KALRN: variants seen among roughly 807,000 people sequenced by gnomAD.
KALRN encodes the protein kalirin RhoGEF kinase.
A neutral mutation model predicts 353.7 loss-of-function variants in KALRN; 70 were observed. That is an observed-to-expected ratio of 0.20 (90% CI 0.16 to 0.24). The LOEUF is 0.24. Among genes scored for constraint, KALRN ranks in the 10% least tolerant of loss-of-function variants. KALRN has a pLI of 1.00. For missense variants in KALRN, 2,791 were observed against 3,756.7 expected (o/e 0.74, Z 6.72); for synonymous variants, 1,391 against 1,434.8 (o/e 0.97, Z 0.69).
chr3:124,120,744 A>ATATATATATATT (rs1491323555), intron 1 of KALRN, among the ~76,000 whole-genome samples: 1 of 138,046 alleles, frequency 7.2e-6, no homozygotes, highest in Non-Finnish European at 1.6e-5. Context: ...ATATATATAT[A>ATATATATATATT]TTTTCACATA....
chr3:124,319,021 C>A (rs2079068753), intron 6 of KALRN, among the ~76,000 whole-genome samples: 1 of 152,018 alleles, frequency 6.6e-6, no homozygotes, highest in Non-Finnish European at 1.5e-5. Context: ...CAGTTTTGGT[C>A]ATTAAAACCT....
chr3:124,706,772 G>A (rs1179120703), intron 57 of KALRN, among the ~76,000 whole-genome samples: 1 of 151,644 alleles, frequency 6.6e-6, no homozygotes, highest in Admixed American at 6.6e-5. Context: ...GTTTCTCCAT[G>A]TTGGCCAGGC....
At chr3:124,298,100 G>A (rs1439031187) in intron 5 of KALRN, among the ~76,000 whole-genome samples, 3 of 152,196 alleles carry the variant, frequency 2.0e-5, no homozygotes, top group Non-Finnish European at 2.9e-5. Context: ...AGGGGTTCTG[G>A]TCAGCTCCCA....
chr3:124,515,707 AT>A (rs1285895696), intron 33 of KALRN, among the ~76,000 whole-genome samples: 1 of 152,234 alleles, frequency 6.6e-6, no homozygotes, highest in Non-Finnish European at 1.5e-5. Flanking sequence ...AATTACTGGC[AT>A]TTCAAAAAAA....
chr3:124,324,050 C>T (rs1356112294), intron 6 of KALRN, among the ~76,000 whole-genome samples: 1 of 152,242 alleles, frequency 6.6e-6, no homozygotes, highest in Non-Finnish European at 1.5e-5. Context: ...CTTAGTGCAT[C>T]AGTAACCCAG....
intron 6 of KALRN, among the ~76,000 whole-genome samples, chr3:124,305,366 G>A (rs887428671): frequency 5.3e-5 from 8 of 152,076 alleles, no homozygotes; most frequent in African/African-American, 1.9e-4. Flanking sequence ...GATCTCCTGG[G>A]GCCAGAACAA....
chr3:124,057,543 A>G (rs761454802), intron 1 of KALRN, among the ~76,000 whole-genome samples: 1 of 152,156 alleles, frequency 6.6e-6, no homozygotes, highest in Non-Finnish European at 1.5e-5. Flanking sequence ...GAGGGGAAGC[A>G]GATGTGAGTT....
At chr3:124,514,579 T>C (rs2066329279) in intron 33 of KALRN, among the ~76,000 whole-genome samples, 1 of 152,202 alleles carries the variant, frequency 6.6e-6, no homozygotes, top group Admixed American at 6.5e-5. Context: ...AAGGTAAGTA[T>C]CATTATCCTC....
intron 1 of KALRN, among the ~76,000 whole-genome samples, chr3:124,123,738 G>A (rs2064306298): frequency 6.6e-6 from 1 of 152,234 alleles, no homozygotes; most frequent in Non-Finnish European, 1.5e-5. Context: ...AGGAGCTAAT[G>A]TAGCTGGTGA....
At chr3:124,440,457 C>T (rs888318659) in intron 18 of KALRN, among the ~76,000 whole-genome samples, 9 of 152,034 alleles carry the variant, frequency 5.9e-5, no homozygotes, top group Non-Finnish European at 1.3e-4. Flanking sequence ...CCACTTGAAA[C>T]TCCTTAAGCT....
At chr3:124,632,759 T>G in intron 35 of KALRN, 56 bp downstream of exon 35, 1 of 1,525,404 alleles carries the variant, frequency 6.6e-7, no homozygotes, top group Non-Finnish European at 9.0e-7. Context: ...ACATGTCTCC[T>G]TCCTCAGGTT....
chr3:124,132,642 T>C (rs1291568826), intron 1 of KALRN, among the ~76,000 whole-genome samples: 2 of 151,982 alleles, frequency 1.3e-5, no homozygotes, highest in Admixed American at 6.6e-5. Flanking sequence ...GAAGGTGACT[T>C]TGTTGTGTCT....
chr3:124,081,796 C>G (rs1419182061), intron 1 of KALRN, among the ~76,000 whole-genome samples: 1 of 152,006 alleles, frequency 6.6e-6, no homozygotes, highest in African/African-American at 2.4e-5. Context: ...CAAAAACAAA[C>G]AAACAAAAAA....
intron 1 of KALRN, among the ~76,000 whole-genome samples, chr3:124,099,560 C>G (rs1293614889): frequency 2.6e-5 from 4 of 152,108 alleles, no homozygotes; most frequent in Admixed American, 1.3e-4. Context: ...GATCTCTTTT[C>G]TTTTGGATAA....
At chr3:124,549,017 T>C (rs2070090992) in intron 33 of KALRN, among the ~76,000 whole-genome samples, 1 of 152,194 alleles carries the variant, frequency 6.6e-6, no homozygotes, top group Non-Finnish European at 1.5e-5. Flanking sequence ...CTTAATCTTT[T>C]TGAATGAGGA....
intron 34 of KALRN, among the ~76,000 whole-genome samples, chr3:124,569,835 G>C (rs2073318208): frequency 6.6e-6 from 1 of 152,198 alleles, no homozygotes; most frequent in Non-Finnish European, 1.5e-5. Context: ...TCTAGGAGGA[G>C]TGGTAGTAAT....
intron 9 of KALRN, among the ~76,000 whole-genome samples, chr3:124,343,489 GAA>G (rs1468075828): frequency 6.6e-6 from 1 of 152,170 alleles, no homozygotes; most frequent in East Asian, 1.9e-4. Context: ...AACTGAAAAT[GAA>G]AAGTGTCTTT....
chr3:124,710,346 G>A (rs1157419291), intron 57 of KALRN, among the ~76,000 whole-genome samples: 1 of 152,098 alleles, frequency 6.6e-6, no homozygotes, highest in African/African-American at 2.4e-5. Context: ...GGAGGAAGGA[G>A]GCTAAAATCT....
rs150338122 is a variant in KALRN, at chr3:124,530,664, C to T, written c.4936-32179C>T. Among the ~76,000 whole-genome samples, 730 of 152,112 alleles carry T rather than the reference C, an allele frequency of 4.8e-3. 8 individuals are homozygous for T. The highest frequency in any genetic ancestry group is 0.016 in the African/African-American group (663 of 41,490). On this transcript the variant is annotated intron_variant, in intron 33 of 59. Transcript: ENST00000682506. ...CTCCCAAAGTGCGAGGATTACAAGCCGGGTTGTTTTAAGAACTGCTAGTAA... is the reference window on the plus strand; with the variant it reads ...CTCCCAAAGTGCGAGGATTACAAGCTGGGTTGTTTTAAGAACTGCTAGTAA...
Sources: gnomAD v4.1 joint callset for allele counts (sites outside exome capture counted in the v4.1 genomes callset) on GRCh38, gnomAD v4.1.1 for gene constraint, MANE v1.5 for transcripts, NCBI Gene and HGNC (gene_info 2026-07-23, HGNC 2026-07-21) for gene names.